The following TSPAN3 variants were observed in gnomAD, a reference collection of about 807,000 sequenced individuals.
The protein encoded by TSPAN3 is tetraspanin-3.
TSPAN3 carries 9 observed loss-of-function variants against 31.1 expected under a neutral mutation model. The observed-to-expected ratio is 0.29, with a 90% CI of 0.17 to 0.50. The LOEUF is 0.50. Ranked by LOEUF, TSPAN3 falls within the 20% of genes least tolerant of loss-of-function variation. The probability of loss-of-function intolerance (pLI) is 0.98; values close to 1 mark genes in which losing one functional copy is unlikely to be tolerated. For synonymous variants in TSPAN3, 129 were observed against 114.3 expected, an observed-to-expected ratio of 1.13 and a Z score of -0.82; for missense variants, 252 against 313.5, an observed-to-expected ratio of 0.80 and a Z score of 1.48.
intron 1 of TSPAN3, among the ~76,000 whole-genome samples, chr15:77,066,522 A>T (rs1268450508): frequency 6.9e-6 from 1 of 144,618 alleles, no homozygotes; most frequent in Non-Finnish European, 1.5e-5. Context: ...CAGTCAGCCA[A>T]GATCGCACCA....
chr15:77,056,620 A>G (rs150437559), intron 1 of TSPAN3, among the ~76,000 whole-genome samples: 46 of 152,216 alleles, frequency 3.0e-4, no homozygotes, highest in African/African-American at 8.4e-4. Flanking sequence ...GTTGCCCTCA[A>G]TAAGTGGGGA....
Position 77,056,235 on chromosome 15 carries a change from G to A in TSPAN3, c.84C>T (p.Cys28=), listed in dbSNP as rs780774615. 21 of 1,602,316 alleles carry A rather than the reference G, an allele frequency of 1.3e-5. No homozygotes were observed. In the Middle Eastern group the frequency reaches 5.0e-4, roughly 38 times the overall value. The change falls in exon 2 of 7, where the codon TGC becomes TGT. Residue 28 remains cysteine, a synonymous_variant. Transcript: ENST00000267970. Reference sequence around the variant, plus strand: ...TGATGAAGACATAGGCTCCCACATAGCATAAAATGCCAGCTGCCCCCTGTA... The same window carrying A: ...TGATGAAGACATAGGCTCCCACATAACATAAAATGCCAGCTGCCCCCTGTA... ...LIFWGAAGIL[C]YVGAYVFITY...
At chr15:77,060,657 C>A (rs1307910425) in intron 1 of TSPAN3, among the ~76,000 whole-genome samples, 3 of 151,730 alleles carry the variant, frequency 2.0e-5, no homozygotes, top group Non-Finnish European at 2.9e-5. Context: ...GGATTGAGAT[C>A]TATCAAAGGA....
intron 1 of TSPAN3, chr15:77,064,388 A>G (rs2076818830): frequency 6.6e-6 from 1 of 152,180 alleles, no homozygotes; most frequent in Admixed American, 6.5e-5. Context: ...TTCTTAGTAC[A>G]CCCGTCTGGT....
chr15:77,069,656 C>T (rs899919750), intron 1 of TSPAN3, among the ~76,000 whole-genome samples: 1 of 152,142 alleles, frequency 6.6e-6, no homozygotes, highest in Non-Finnish European at 1.5e-5. Context: ...AACATATAAC[C>T]ATCCTTTTAT....
Position 77,042,062 on chromosome 15 carries a change from T to C in TSPAN3, c.*4773A>G, listed in dbSNP as rs1311729451. 1.3e-5 allele frequency: 2 copies of C among 152,100 alleles called. No individual in the cohort carries two copies. The highest frequency in any genetic ancestry group is 2.9e-5 in the Non-Finnish European group (2 of 68,020). 9.4% of individuals were successfully genotyped at this position (152,100 alleles called of 1,614,324 possible). A position where few individuals can be genotyped will look rare whatever the true frequency, so the allele number is the denominator to read the frequency against. On this transcript the variant is annotated 3_prime_UTR_variant, in exon 7 of 7. Coordinates refer to ENST00000267970, the MANE Select transcript of TSPAN3 (RefSeq NM_005724.6). The stretch of plus-strand genomic sequence containing the variant: ...ACAATGGAATGACAAATCCTACAGT[T>C]AGACATGGAAGGAGCATCAGACTAT...
At chr15:77,052,003 T>C (rs2076734876) in intron 6 of TSPAN3, among the ~76,000 whole-genome samples, 1 of 152,216 alleles carries the variant, frequency 6.6e-6, no homozygotes, top group Non-Finnish European at 1.5e-5. Context: ...TGAATAAAGC[T>C]TTGTATTCCC....
chr15:77,054,595 T>C (rs1353367206), intron 3 of TSPAN3: 2 of 167,366 alleles, frequency 1.2e-5, no homozygotes, highest in Non-Finnish European at 2.6e-5. Context: ...TGTCCTAAAT[T>C]ATAAATGGAT....
At chr15:77,066,280 C>A (rs2076832193) in intron 1 of TSPAN3, among the ~76,000 whole-genome samples, 1 of 152,176 alleles carries the variant, frequency 6.6e-6, no homozygotes. Context: ...CTATTTAATA[C>A]AATAGCCTTT....
chr15:77,052,002 C>T (rs974916432), intron 6 of TSPAN3, among the ~76,000 whole-genome samples: 49 of 152,146 alleles, frequency 3.2e-4, no homozygotes, highest in African/African-American at 1.2e-3. Flanking sequence ...CTGAATAAAG[C>T]TTTGTATTCC....
intron 4 of TSPAN3, among the ~76,000 whole-genome samples, chr15:77,053,959 G>A (rs2076751233): frequency 6.6e-6 from 1 of 152,050 alleles, no homozygotes; most frequent in Non-Finnish European, 1.5e-5. Context: ...GGTCAGGGAA[G>A]GGGAAATCAG....
chr15:77,049,068 C>A (rs181511139), intron 6 of TSPAN3, among the ~76,000 whole-genome samples: 62 of 152,182 alleles, frequency 4.1e-4, no homozygotes, highest in Non-Finnish European at 6.9e-4. Context: ...AAATGGAATA[C>A]TATGCAGACA....
intron 6 of TSPAN3, among the ~76,000 whole-genome samples, chr15:77,047,917 T>C (rs2152694945): frequency 6.6e-6 from 1 of 152,304 alleles, no homozygotes; most frequent in African/African-American, 2.4e-5. Context: ...ACTCTCAAAG[T>C]TTGAAGTGGA....
Position 77,054,209 on chromosome 15 carries a change from G to A in TSPAN3, c.401C>T (p.Ala134Val). The change falls in exon 4 of 7, where the codon GCT becomes GTT. Residue 134 changes from alanine to valine, a missense_variant. By Grantham distance (64) the Ala-to-Val change is moderately conservative. Coordinates refer to ENST00000267970, the MANE Select transcript of TSPAN3 (RefSeq NM_005724.6). ...CTGTACATAATCAATAGCCCGGCTA[G>A]CAGCATCAGGGTTGGTTCCATTGTA... ...KTYNGTNPDA[A>V]SRAIDYVQRQ... The A allele has an allele frequency of 6.2e-7, 1 of 1,613,936 alleles. No individual in the cohort carries two copies. The highest frequency in any genetic ancestry group is 1.1e-5 in the South Asian group (1 of 91,066).
Position 77,046,903 on chromosome 15 carries a change from TGCAA to T in TSPAN3, c.690_693del (p.Cys231SerfsTer24). ...TCTCTACTCCTTCTGCACAACACGA[TGCAA>T]GCACACAGCATGCCCAGCAGCTGTT... On this transcript the variant is annotated frameshift_variant, in exon 7 of 7. Coordinates refer to ENST00000267970, the MANE Select transcript of TSPAN3 (RefSeq NM_005724.6). LOFTEE classifies it high-confidence loss of function. The T allele has an allele frequency of 1.3e-6, 2 of 1,586,926 alleles. No homozygotes were observed. Among genetic ancestry groups the T allele is most frequent in the Non-Finnish European group, 1.7e-6 (2 of 1,163,680 alleles).
intron 6 of TSPAN3, among the ~76,000 whole-genome samples, chr15:77,051,402 C>A (rs1429054923): frequency 6.6e-6 from 1 of 151,840 alleles, no homozygotes; most frequent in African/African-American, 2.4e-5. Flanking sequence ...GTAGCGGGAA[C>A]CTGTAATCCC....
At chr15:77,070,277 T>C (rs764146759) in intron 1 of TSPAN3, among the ~76,000 whole-genome samples, 1 of 152,198 alleles carries the variant, frequency 6.6e-6, no homozygotes, top group Non-Finnish European at 1.5e-5. Context: ...CACAGTTTGG[T>C]CACCCCCATG....
At chr15:77,065,523 T>C (rs1458689421) in intron 1 of TSPAN3, among the ~76,000 whole-genome samples, 2 of 152,076 alleles carry the variant, frequency 1.3e-5, no homozygotes, top group Non-Finnish European at 2.9e-5. Flanking sequence ...GCCTCCCGGG[T>C]TCACGCCATG....
intron 1 of TSPAN3, among the ~76,000 whole-genome samples, chr15:77,059,703 C>T (rs774341818): frequency 3.3e-5 from 5 of 152,096 alleles, no homozygotes; most frequent in Admixed American, 1.3e-4. Flanking sequence ...TCTGAGCTTT[C>T]GGTACACCTA....
Sources: allele counts gnomAD v4.1 joint callset (sites outside exome capture counted in the v4.1 genomes callset), GRCh38; gene constraint gnomAD v4.1.1; transcripts MANE v1.5; gene names NCBI Gene and HGNC (gene_info 2026-07-23, HGNC 2026-07-21).